PON3: variants seen among roughly 807,000 people sequenced by gnomAD.
PON3 encodes serum paraoxonase/lactonase 3.
Under a neutral mutation model 36.3 loss-of-function variants are expected in PON3, and 37 were observed. The ratio of observed to expected loss-of-function variants is 1.02; its 90% confidence interval spans 0.78 to 1.34. The LOEUF (loss-of-function observed/expected upper bound fraction) is 1.34. Among genes scored for constraint, PON3 ranks in the 40% most tolerant of loss-of-function variants. The pLI is 0.00. For missense variants in PON3, 415 were observed against 426.5 expected, an observed-to-expected ratio of 0.97 and a Z score of 0.24; for synonymous variants, 155 against 154.8, an observed-to-expected ratio of 1.00 and a Z score of -0.01.
intron 4 of PON3, among the ~76,000 whole-genome samples, chr7:95,370,364 G>C (rs899864880): frequency 2.6e-5 from 4 of 152,082 alleles, no homozygotes; most frequent in African/African-American, 9.7e-5. Context: ...AGACTGGAGA[G>C]ATATTGGAGA....
Position 95,362,368 on chromosome 7 carries a change from T to A in PON3, c.900A>T (p.Gly300=). ...GAGAGGTATAGGAACTTACTTCTGA[T>A]CCTGGAGGGTCCTCAGGGTTATAGT... ...LLNYNPEDPP[G]SEVLRIQNVL... The change falls in exon 8 of 9, where the codon GGA becomes GGT. Residue 300 remains glycine (G), a synonymous_variant. Coordinates refer to ENST00000265627, the MANE Select transcript of PON3 (RefSeq NM_000940.3). The A allele has an allele frequency of 6.2e-7, 1 of 1,613,722 alleles. No individual in the cohort carries two copies. The highest frequency in any genetic ancestry group is 8.5e-7 in the Non-Finnish European group (1 of 1,179,718).
intron 3 of PON3, among the ~76,000 whole-genome samples, chr7:95,386,353 C>A (rs1477418703): frequency 6.6e-6 from 1 of 152,154 alleles, no homozygotes; most frequent in Non-Finnish European, 1.5e-5. Context: ...ACTAAAAACA[C>A]CTCTACACAA....
chr7:95,368,524 T>C (rs960747875), intron 4 of PON3, among the ~76,000 whole-genome samples: 1 of 152,212 alleles, frequency 6.6e-6, no homozygotes, highest in Admixed American at 6.5e-5. Context: ...CTAGACACAA[T>C]AGTGAACAAT....
At chr7:95,368,746 T>G (rs1808748816) in intron 4 of PON3, among the ~76,000 whole-genome samples, 1 of 149,852 alleles carries the variant, frequency 6.7e-6, no homozygotes, top group Non-Finnish European at 1.5e-5. Context: ...ACTCAACTTA[T>G]GGAAGCCTGA....
intron 3 of PON3, among the ~76,000 whole-genome samples, chr7:95,383,012 G>T (rs1360098094): frequency 6.6e-6 from 1 of 152,154 alleles, no homozygotes; most frequent in Non-Finnish European, 1.5e-5. Context: ...CCAAGATCAA[G>T]TGGGCTTCAT....
rs575588935 is a variant in PON3 at position 95,396,076 on chromosome 7, G to T, written c.74+201C>A. ...TCAAAAAATAAATGGGACTAATTCG[G>T]CTCGGCAGTCTTTGGAAACGCAAGT... On this transcript the variant is annotated intron_variant, in intron 1 of 8. Coordinates refer to ENST00000265627, the MANE Select transcript of PON3 (RefSeq NM_000940.3). 1.5e-5 allele frequency: 10 copies of T among 652,340 alleles called. No individual in the cohort carries two copies. The Admixed American group carries it at 1.7e-4, about 11-fold the overall frequency. The allele number at this position is 652,340 out of a possible 1,614,324, so 40.4% of individuals were successfully genotyped here.
In PON3 at chr7:95,372,343, T is replaced by G. The variant is rs1208198628; in HGVS notation, c.202-5A>C. On this transcript the variant is annotated splice_polypyrimidine_tract_variant and splice_region_variant and intron_variant, in intron 3 of 8. Coordinates refer to ENST00000265627, the MANE Select transcript of PON3 (RefSeq NM_000940.3). ...CATGCCTGGATATTTTAATCCCTTTTAAAAATAAAGAACAAGTGTGCACAC... is the reference window on the plus strand; with the variant it reads ...CATGCCTGGATATTTTAATCCCTTTGAAAAATAAAGAACAAGTGTGCACAC... The G allele has an allele frequency of 6.2e-7, 1 of 1,613,318 alleles. No homozygotes were observed. The highest frequency in any genetic ancestry group is 8.5e-7 in the Non-Finnish European group (1 of 1,179,662).
intron 3 of PON3, among the ~76,000 whole-genome samples, chr7:95,381,328 A>C (rs1428760963): frequency 6.6e-6 from 1 of 152,232 alleles, no homozygotes; most frequent in African/African-American, 2.4e-5. Flanking sequence ...CATCATAATG[A>C]CAGGATCAAA....
chr7:95,383,837 G>T (rs1226628684), intron 3 of PON3, among the ~76,000 whole-genome samples: 1 of 152,192 alleles, frequency 6.6e-6, no homozygotes, highest in Non-Finnish European at 1.5e-5. Flanking sequence ...TTTCTTCACA[G>T]AATTGGAAAA....
intron 3 of PON3, among the ~76,000 whole-genome samples, chr7:95,374,128 C>T (rs1266545539): frequency 1.3e-5 from 2 of 152,162 alleles, no homozygotes; most frequent in African/African-American, 2.4e-5. Flanking sequence ...AATTGTCTTC[C>T]ACGAAACTGG....
chr7:95,390,880 C>A (rs769332790), intron 2 of PON3, among the ~76,000 whole-genome samples: 3 of 152,132 alleles, frequency 2.0e-5, no homozygotes, highest in Admixed American at 6.5e-5. Context: ...TACGCCTGCA[C>A]GACAGGCCCC....
At position 95,390,162 on chromosome 7, in the gene PON3, T is replaced by A. The variant is rs1438557581; in HGVS notation, c.193A>T (p.Ile65Phe). 6.2e-7 allele frequency: 1 copy of A among 1,609,568 alleles called. No homozygotes were observed. Among genetic ancestry groups the A allele is most frequent in the Non-Finnish European group, 8.5e-7 (1 of 1,176,024 alleles). ...IDILPSGLAF[I>F]SSGLKYPGMP... ...GCATGGAAAATACTCACACTGGAGA[T>A]AAAAGCCAGCCCACTAGGAAGTATA... is the stretch of plus-strand genomic sequence containing the variant. Residue 65 changes from isoleucine to phenylalanine, a missense_variant, in exon 3 of 9, where the codon ATC becomes TTC. By Grantham distance (21) the Ile-to-Phe change is conservative (BLOSUM62 0). Coordinates refer to ENST00000265627, the MANE Select transcript of PON3 (RefSeq NM_000940.3).
Position 95,360,061 on chromosome 7 carries a change from A to G in PON3, c.977T>C (p.Val326Ala). 1 of 1,613,556 alleles carries G rather than the reference A, an allele frequency of 6.2e-7. No homozygotes were observed. Residue 326 changes from valine to alanine, a missense_variant, in exon 9 of 9, where the codon GTG (valine) becomes GCG (alanine). Physicochemically the swap from Val to Ala is moderately conservative, Grantham distance 64. Coordinates refer to ENST00000265627, the MANE Select transcript of PON3 (RefSeq NM_000940.3). ...AGAAGCCACAGAGGTGCCCTGAAGC[A>G]CAGAGCCATTGTTGGCATACACGGT... ...VSTVYANNGS[V>A]LQGTSVASVY...
intron 3 of PON3, among the ~76,000 whole-genome samples, chr7:95,384,288 G>T (rs1241843759): frequency 6.6e-6 from 1 of 152,150 alleles, no homozygotes; most frequent in African/African-American, 2.4e-5. Flanking sequence ...CAGGACATAG[G>T]CATGGGCAAA....
At chr7:95,392,366 G>C (rs906079764) in intron 2 of PON3, among the ~76,000 whole-genome samples, 1 of 152,080 alleles carries the variant, frequency 6.6e-6, no homozygotes, top group African/African-American at 2.4e-5. Context: ...AATATTAACT[G>C]TAATTTTACC....
In PON3 at chr7:95,396,128, C is replaced by CA. The variant is rs1401778245; in HGVS notation, c.74+148dup. 5 of 835,778 alleles carry CA rather than the reference C, an allele frequency of 6.0e-6. No individual in the cohort carries two copies. The African/African-American group carries it at 8.4e-5, about 14-fold the overall frequency. The allele number at this position is 835,778 out of a possible 1,614,324, so 51.8% of individuals were successfully genotyped here. A position where few individuals can be genotyped will look rare whatever the true frequency, so the allele number is the denominator to read the frequency against. On this transcript the variant is annotated intron_variant, in intron 1 of 8. Transcript: ENST00000265627. ...GCTCACTTTCCCCATAAGCGAGTCT[C>CA]AAGGGGCGGTTTGCTGGGTGAGATG...
chr7:95,360,313 G>C (rs931112420), intron 8 of PON3, among the ~76,000 whole-genome samples, 182 bp from the exon 9 acceptor site: 2 of 152,236 alleles, frequency 1.3e-5, no homozygotes, highest in Non-Finnish European at 2.9e-5. Context: ...ATGCACCAAA[G>C]TGAACTGGCT....
intron 4 of PON3, 118 bp downstream of exon 4, chr7:95,372,055 A>G: frequency 8.2e-7 from 1 of 1,219,992 alleles, no homozygotes; most frequent in Non-Finnish European, 1.2e-6. Flanking sequence ...TAAAAAAAAC[A>G]CATCTGTATG....
intron 3 of PON3, among the ~76,000 whole-genome samples, chr7:95,381,240 G>A (rs1168018595): frequency 6.6e-6 from 1 of 152,188 alleles, no homozygotes; most frequent in Non-Finnish European, 1.5e-5. Context: ...ACCAGCCACT[G>A]CAAAAACATG....
Sources: allele counts gnomAD v4.1 joint callset (sites outside exome capture counted in the v4.1 genomes callset), GRCh38; gene constraint gnomAD v4.1.1; transcripts MANE v1.5; gene names NCBI Gene and HGNC (gene_info 2026-07-23, HGNC 2026-07-21).